The following GRIK4 variants were observed in gnomAD, a reference collection of about 807,000 sequenced individuals.
GRIK4 encodes glutamate ionotropic receptor kainate type subunit 4.
In GRIK4, 40 loss-of-function variants were observed where a neutral mutation model predicts 104.9. The ratio of observed to expected loss-of-function variants is 0.38; its 90% CI spans 0.30 to 0.50. The LOEUF (loss-of-function observed/expected upper bound fraction) is 0.50, where lower values mean the gene tolerates loss of function less well. GRIK4 is among the 20% of genes least tolerant of loss of function. The pLI, the probability that GRIK4 is intolerant of heterozygous loss-of-function variation, is 0.93. For missense variants in GRIK4, 1,047 were observed against 1,308.1 expected (o/e 0.80, Z 3.08); for synonymous variants, 485 against 524.9 (o/e 0.92, Z 1.04).
chr11:120,742,253 T>G (rs2135409974), intron 3 of GRIK4, among the ~76,000 whole-genome samples: 1 of 149,426 alleles, frequency 6.7e-6, no homozygotes. Flanking sequence ...GGCTGAGGCA[T>G]GAGAATCGCT....
chr11:120,777,664 C>T (rs532877586), intron 3 of GRIK4, among the ~76,000 whole-genome samples: 44 of 152,272 alleles, frequency 2.9e-4, no homozygotes, highest in African/African-American at 8.9e-4. Context: ...GGGCTGGGTG[C>T]GGTGGCTCAC....
At chr11:120,826,768 T>C (rs1377792208) in intron 6 of GRIK4, among the ~76,000 whole-genome samples, 2 of 152,244 alleles carry the variant, frequency 1.3e-5, no homozygotes, top group Non-Finnish European at 2.9e-5. Context: ...TGCCTGTTCC[T>C]GGAGCAAAGC....
chr11:120,531,723 A>AT, intron 1 of GRIK4, among the ~76,000 whole-genome samples: 1 of 151,974 alleles, frequency 6.6e-6, no homozygotes, highest in Non-Finnish European at 1.5e-5. Flanking sequence ...CTACAGGTGC[A>AT]TGTCACCATG....
chr11:120,905,539 G>GTTGGT lies in GRIK4; in HGVS notation c.1476+46_1476+47insTTGGT. On this transcript the variant is annotated intron_variant, in intron 13 of 20. Coordinates refer to ENST00000527524, the MANE Select transcript of GRIK4 (RefSeq NM_014619.5). This position sits in a 1 kb window ranked among gnomAD's most constrained non-coding sequence, Gnocchi z 5.1. ...CTGGGCCTGAGGGTGGGCTGGGAGG[G>GTTGGT]ATTGGAAGAGCATGAGGTTGTGCTG... The GTTGGT allele has an allele frequency of 2.0e-6, 1 of 503,048 alleles. No individual in the cohort carries two copies. The highest frequency in any genetic ancestry group is 2.0e-5 in the African/African-American group (1 of 50,502). The allele number at this position is 503,048 out of a possible 1,614,324, so 31.2% of individuals were successfully genotyped here.
intron 12 of GRIK4, among the ~76,000 whole-genome samples, chr11:120,900,201 G>A (rs1009595314): frequency 3.3e-5 from 5 of 152,176 alleles, no homozygotes; most frequent in African/African-American, 1.2e-4. Flanking sequence ...ATGAAGGAGG[G>A]CATTGTCGGG....
At chr11:120,839,232 C>T (rs1465226646) in intron 8 of GRIK4, among the ~76,000 whole-genome samples, 1 of 152,198 alleles carries the variant, frequency 6.6e-6, no homozygotes, top group Non-Finnish European at 1.5e-5. Context: ...CCTTGGGGAT[C>T]TCCACCATGT....
At chr11:120,668,344 TGAAAGAGA>T (rs1160592164) in intron 3 of GRIK4, among the ~76,000 whole-genome samples, 4 of 82,324 alleles carry the variant, frequency 4.9e-5, no homozygotes, top group African/African-American at 1.4e-4. Context: ...AAGAAAAGAA[TGAAAGAGA>T]GAAAGAGGGA....
intron 1 of GRIK4, among the ~76,000 whole-genome samples, chr11:120,562,769 G>C (rs567529068): frequency 5.3e-5 from 8 of 152,364 alleles, no homozygotes; most frequent in Admixed American, 4.6e-4. Flanking sequence ...GGCAGTGCTA[G>C]TGAGAAATGT....
chr11:120,930,009 G>GA lies in GRIK4; in HGVS notation c.1477-10338_1477-10337insA, dbSNP rs371667220. ...TCGAGGGCAGGCCACGTTTGGGGGG[G>GA]GGGTCCCCTCCTTACCCACGCTGTT... On this transcript the variant is annotated intron_variant, in intron 13 of 20. Coordinates refer to ENST00000527524, the MANE Select transcript of GRIK4 (RefSeq NM_014619.5). Among the ~76,000 whole-genome samples the GA allele has an allele frequency of 8.2e-4, 125 of 152,216 alleles. 1 individual carries two copies. The highest frequency in any genetic ancestry group is 2.8e-3 in the African/African-American group (118 of 41,536).
chr11:120,570,676 G>A (rs571902825), intron 1 of GRIK4, among the ~76,000 whole-genome samples: 43 of 152,196 alleles, frequency 2.8e-4, no homozygotes, highest in Admixed American at 8.5e-4. Context: ...GGCTGGTCTC[G>A]AACTGCTGGG....
chr11:120,677,046 C>T (rs182927692), intron 3 of GRIK4, among the ~76,000 whole-genome samples: 34 of 152,304 alleles, frequency 2.2e-4, no homozygotes, highest in African/African-American at 8.2e-4. Flanking sequence ...ACCAGGCATC[C>T]CAGAGCACCG....
At chr11:120,754,292 G>T (rs142590613) in intron 3 of GRIK4, among the ~76,000 whole-genome samples, 5 of 152,210 alleles carry the variant, frequency 3.3e-5, no homozygotes, top group Admixed American at 6.5e-5. Context: ...GATTATAGGC[G>T]TGAAGCACTG....
At chr11:120,916,705 T>C (rs1415795012) in intron 13 of GRIK4, among the ~76,000 whole-genome samples, 3 of 152,238 alleles carry the variant, frequency 2.0e-5, no homozygotes, top group Non-Finnish European at 4.4e-5. Flanking sequence ...ACAAAATTAT[T>C]TAAAATATTG....
At chr11:120,579,080 A>T (rs1176627613) in intron 1 of GRIK4, among the ~76,000 whole-genome samples, 1 of 152,224 alleles carries the variant, frequency 6.6e-6, no homozygotes, top group Non-Finnish European at 1.5e-5. Flanking sequence ...AGTCCAGCCC[A>T]AGTGGCATTT....
At chr11:120,900,385 A>G (rs1052402946) in intron 12 of GRIK4, among the ~76,000 whole-genome samples, 3 of 152,176 alleles carry the variant, frequency 2.0e-5, no homozygotes, top group African/African-American at 7.2e-5. Context: ...ATTTTCATTC[A>G]TTCATTTATT....
intron 2 of GRIK4, among the ~76,000 whole-genome samples, chr11:120,656,434 T>C (rs1949711198): frequency 6.6e-6 from 1 of 152,248 alleles, no homozygotes; most frequent in African/African-American, 2.4e-5. Context: ...CCACTGAGCC[T>C]TACAGACATG....
chr11:120,649,141 C>T (rs181957493), intron 1 of GRIK4, among the ~76,000 whole-genome samples: 6 of 152,206 alleles, frequency 3.9e-5, no homozygotes, highest in Admixed American at 6.5e-5. Context: ...CATAGGTCTC[C>T]GAACCTTCAG....
chr11:120,954,315 G>A lies in GRIK4; in HGVS notation c.1700+1351G>A, dbSNP rs527495046. On this transcript the variant is annotated intron_variant, in intron 15 of 20. Transcript: ENST00000527524. ...CCTGGTCATTTTCAAACGTGGCAGA[G>A]TTTGCTGCTTGGGCACCACCAACCC... Among the ~76,000 whole-genome samples the A allele has an allele frequency of 2.0e-5, 3 of 152,178 alleles. No individual in the cohort carries two copies. The East Asian group carries it at 5.8e-4, about 29-fold the overall frequency.
chr11:120,576,427 C>A (rs4938817), intron 1 of GRIK4: 113,839 of 151,988 alleles, frequency 0.75, 42,914 homozygotes, highest in Admixed American at 0.82. Context: ...TTTCTGCTCC[C>A]CTCCTGGGCT....
Sources: allele counts gnomAD v4.1 joint callset (sites outside exome capture counted in the v4.1 genomes callset), GRCh38; gene constraint gnomAD v4.1.1; non-coding constraint Gnocchi (gnomAD v3.1); transcripts MANE v1.5; gene names NCBI Gene and HGNC (gene_info 2026-07-23, HGNC 2026-07-21).